Variants in ZMYM2 observed in about 807,000 individuals in gnomAD.
ZMYM2 encodes zinc finger MYM-type protein 2.
Under a neutral mutation model 162.8 loss-of-function variants are expected in ZMYM2, and 56 were observed. The ratio of observed to expected loss-of-function variants is 0.34; its 90% confidence interval spans 0.28 to 0.43. The LOEUF (loss-of-function observed/expected upper bound fraction) is 0.43, where lower values mean the gene tolerates loss of function less well. ZMYM2 is among the 20% of genes least tolerant of loss of function. ZMYM2 has a pLI of 1.00. For missense variants in ZMYM2, 1,275 were observed against 1,621.8 expected, an observed-to-expected ratio of 0.79 and a Z score of 3.67; for synonymous variants, 510 against 541.6, an observed-to-expected ratio of 0.94 and a Z score of 0.81.
chr13:19,981,156 T>C (rs1361745579), intron 2 of ZMYM2, among the ~76,000 whole-genome samples: 3 of 152,080 alleles, frequency 2.0e-5, no homozygotes, highest in Admixed American at 6.6e-5. Context: ...CCTGTAGCTC[T>C]AGCTTCTCAG....
intron 16 of ZMYM2, among the ~76,000 whole-genome samples, chr13:20,060,042 T>A (rs1956113044): frequency 6.6e-6 from 1 of 152,050 alleles, no homozygotes; most frequent in East Asian, 1.9e-4. Context: ...TCAAAAAAAA[T>A]GAAAATAAAA....
chr13:19,944,616 G>A, the ZMYM2 span, among the ~76,000 whole-genome samples: 1 of 152,166 alleles, frequency 6.6e-6, no homozygotes, highest in Non-Finnish European at 1.5e-5. Context: ...TGAGCAGGTA[G>A]GGGGAGTCTT....
the ZMYM2 span, among the ~76,000 whole-genome samples, chr13:19,878,517 CTTTTTTTTTTTT>C: frequency 3.0e-5 from 3 of 99,032 alleles, no homozygotes; most frequent in African/African-American, 1.1e-4. Context: ...TTCCTTTGCC[CTTTTTTTTTTTT>C]TTTTTTTTTG....
chr13:20,065,416 A>G (rs549186588), intron 19 of ZMYM2, among the ~76,000 whole-genome samples: 11 of 152,202 alleles, frequency 7.2e-5, no homozygotes, highest in Non-Finnish European at 1.2e-4. Flanking sequence ...TAAGATACCA[A>G]ACGCACAGGG....
At chr13:19,932,651 AAAAAAAG>A in the ZMYM2 span, among the ~76,000 whole-genome samples, 2 of 151,942 alleles carry the variant, frequency 1.3e-5, no homozygotes, top group Non-Finnish European at 2.9e-5. Context: ...ATCTCCAAAA[AAAAAAAG>A]AATAGACACC....
At chr13:20,022,035 G>A (rs992586912) in intron 7 of ZMYM2, among the ~76,000 whole-genome samples, 1 of 152,080 alleles carries the variant, frequency 6.6e-6, no homozygotes, top group African/African-American at 2.4e-5. Context: ...CTCAAGCTTT[G>A]GCAGCCACAG....
At chr13:19,884,714 T>G in the ZMYM2 span, among the ~76,000 whole-genome samples, 7 of 151,822 alleles carry the variant, frequency 4.6e-5, no homozygotes, top group Admixed American at 1.3e-4. Flanking sequence ...GGATTCCTGG[T>G]CCAGAAAAAA....
At chr13:19,927,779 C>T in the ZMYM2 span, among the ~76,000 whole-genome samples, 2 of 152,164 alleles carry the variant, frequency 1.3e-5, no homozygotes, top group Non-Finnish European at 2.9e-5. Flanking sequence ...GATAGTCTCT[C>T]TGCTCCAAAT....
At chr13:19,976,326 C>CA (rs1180338588) in intron 2 of ZMYM2, among the ~76,000 whole-genome samples, 276 of 103,360 alleles carry the variant, frequency 2.7e-3, no homozygotes, top group East Asian at 0.016. Context: ...GACTGCACCT[C>CA]AAAAAAAAAA....
intron 21 of ZMYM2, among the ~76,000 whole-genome samples, chr13:20,069,550 A>AT (rs768232313): frequency 6.6e-6 from 1 of 151,088 alleles, no homozygotes; most frequent in Non-Finnish European, 1.5e-5. Context: ...TGCTTATTGA[A>AT]TTTTGTCAAC....
chr13:20,083,835 T>C lies in ZMYM2; in HGVS notation c.3941+59T>C, dbSNP rs1958064093. ...TTGGTAGAAGTTGGCTGGTTTAAAT[T>C]TAACATTACCAAGAAGTGACTTTTT... On this transcript the variant is annotated intron_variant, in intron 24 of 24. Coordinates refer to ENST00000610343, the MANE Select transcript of ZMYM2 (RefSeq NM_197968.4). 4 of 1,535,946 alleles carry C rather than the reference T, an allele frequency of 2.6e-6. No homozygotes were observed. The Admixed American group carries it at 8.2e-5, about 31-fold the overall frequency.
At chr13:19,999,527 C>T (rs1950247710) in intron 3 of ZMYM2, among the ~76,000 whole-genome samples, 3 of 152,160 alleles carry the variant, frequency 2.0e-5, no homozygotes, top group Admixed American at 2.0e-4. Context: ...TCTCCTTGGA[C>T]CTCCCTGTTC....
At chr13:19,891,745 C>G in the ZMYM2 span, among the ~76,000 whole-genome samples, 1 of 151,808 alleles carries the variant, frequency 6.6e-6, no homozygotes, top group Non-Finnish European at 1.5e-5. Context: ...CCACTGTACT[C>G]CAGCCTGGGC....
At position 20,083,703 on chromosome 13, in the gene ZMYM2, T is replaced by A; in HGVS notation, c.3868T>A (p.Phe1290Ile). The stretch of plus-strand genomic sequence containing the variant: ...AAAACATGAAGATGATGAGCCAGTA[T>A]TTGAACAAATTGAAAACACAGCCAA... The part of the protein sequence containing the change: ...KRKHEDDEPV[F>I]EQIENTANPS... Residue 1290 changes from phenylalanine to isoleucine, a missense_variant, in exon 24 of 25, where the codon TTT becomes ATT. Phe to Ile is a conservative substitution (Grantham distance 21, BLOSUM62 0). Transcript: ENST00000610343. 6.3e-7 allele frequency: 1 copy of A among 1,586,016 alleles called. No individual in the cohort carries two copies. The highest frequency in any genetic ancestry group is 8.6e-7 in the Non-Finnish European group (1 of 1,163,054).
chr13:19,920,935 G>A, the ZMYM2 span, among the ~76,000 whole-genome samples: 1 of 150,350 alleles, frequency 6.7e-6, no homozygotes. Flanking sequence ...GCTAATTTTT[G>A]TATTTTTTTT....
chr13:20,077,455 CAAAT>C, intron 21 of ZMYM2, among the ~76,000 whole-genome samples: 1 of 150,584 alleles, frequency 6.6e-6, no homozygotes, highest in East Asian at 1.9e-4. Flanking sequence ...AATACACAGA[CAAAT>C]AATATTTAAA....
At chr13:19,958,498 C>T (rs991710835), upstream of ZMYM2, among the ~76,000 whole-genome samples, 2 of 151,994 alleles carry the variant, frequency 1.3e-5, no homozygotes, top group Non-Finnish European at 2.9e-5. Context: ...GGGACCCGGC[C>T]AGGAGTCGAG....
chr13:20,012,800 T>C (rs1261122556), intron 6 of ZMYM2, among the ~76,000 whole-genome samples: 1 of 152,230 alleles, frequency 6.6e-6, no homozygotes, highest in African/African-American at 2.4e-5. Flanking sequence ...AGATCATTTC[T>C]ATGTTCCACT....
At chr13:19,919,257 A>T in the ZMYM2 span, among the ~76,000 whole-genome samples, 2 of 151,894 alleles carry the variant, frequency 1.3e-5, no homozygotes, top group Non-Finnish European at 2.9e-5. Context: ...ATTGAAGAAA[A>T]TTTTTTTGTT....
Sources: gnomAD v4.1 joint callset for allele counts (sites outside exome capture counted in the v4.1 genomes callset) on GRCh38, gnomAD v4.1.1 for gene constraint, MANE v1.5 for transcripts, NCBI Gene and HGNC (gene_info 2026-07-23, HGNC 2026-07-21) for gene names.